Variants in NRG1 observed in about 807,000 individuals in gnomAD.
NRG1 encodes the protein pro-neuregulin-1, membrane-bound isoform.
NRG1 carries 18 observed loss-of-function variants against 63.8 expected under a neutral mutation model. That is an observed-to-expected ratio of 0.28 (90% CI 0.19 to 0.42). The LOEUF (loss-of-function observed/expected upper bound fraction) is 0.42, where lower values mean the gene tolerates loss of function less well. Ranked by LOEUF, NRG1 falls within the 10% of genes least tolerant of loss-of-function variation. The probability of loss-of-function intolerance (pLI) is 1.00; values close to 1 mark genes in which losing one functional copy is unlikely to be tolerated. For missense variants in NRG1, 762 were observed against 814.7 expected, an observed-to-expected ratio of 0.94 and a Z score of 0.79; for synonymous variants, 302 against 301.3, an observed-to-expected ratio of 1.00 and a Z score of -0.02.
intron 1 of NRG1, among the ~76,000 whole-genome samples, chr8:31,951,401 A>G (rs1324947026): frequency 6.6e-6 from 1 of 152,202 alleles, no homozygotes; most frequent in Non-Finnish European, 1.5e-5. Context: ...GGAACAACCT[A>G]CAAAGCATTT....
intron 1 of NRG1, among the ~76,000 whole-genome samples, chr8:31,945,978 C>T (rs1017464736): frequency 6.6e-6 from 1 of 152,186 alleles, no homozygotes; most frequent in Non-Finnish European, 1.5e-5. Context: ...CTTCTGCAGA[C>T]ATCTGTGGAA....
chr8:32,532,676 T>A (rs1414098151), intron 1 of NRG1, among the ~76,000 whole-genome samples: 1 of 152,064 alleles, frequency 6.6e-6, no homozygotes, highest in African/African-American at 2.4e-5. Flanking sequence ...ATCTTTCCTA[T>A]AATTCATAGT....
At chr8:32,097,332 C>CT (rs1408874894) in intron 1 of NRG1, among the ~76,000 whole-genome samples, 3 of 152,100 alleles carry the variant, frequency 2.0e-5, no homozygotes, top group African/African-American at 7.2e-5. Context: ...CTTTGATGTG[C>CT]TTTTTTCCTT....
At chr8:32,040,396 A>G (rs1819750277) in intron 1 of NRG1, among the ~76,000 whole-genome samples, 2 of 152,234 alleles carry the variant, frequency 1.3e-5, no homozygotes, top group Admixed American at 1.3e-4. Context: ...TAAAAAGTCA[A>G]ATGTTGCCAA....
intron 7 of NRG1, among the ~76,000 whole-genome samples, chr8:32,743,679 A>C (rs987268134): frequency 6.6e-6 from 1 of 150,624 alleles, no homozygotes; most frequent in Non-Finnish European, 1.5e-5. Context: ...TTCCTAAAAG[A>C]CCCAATTCAC....
chr8:32,418,836 T>C (rs563780831), intron 1 of NRG1, among the ~76,000 whole-genome samples: 23 of 152,320 alleles, frequency 1.5e-4, no homozygotes, highest in Non-Finnish European at 2.8e-4. Flanking sequence ...ATATTTGAAA[T>C]AAGATGTTTT....
At chr8:32,208,621 A>G (rs1466325334) in intron 1 of NRG1, among the ~76,000 whole-genome samples, 1 of 152,208 alleles carries the variant, frequency 6.6e-6, no homozygotes, top group East Asian at 1.9e-4. Flanking sequence ...TTAAATATAT[A>G]TAGCCTAAGA....
intron 1 of NRG1, among the ~76,000 whole-genome samples, chr8:32,225,065 A>G (rs75918369): frequency 0.046 from 6,946 of 152,264 alleles, 235 homozygotes; most frequent in South Asian, 0.094. Context: ...GATTTTTCCA[A>G]CCTTAAAGAG....
intron 1 of NRG1, among the ~76,000 whole-genome samples, chr8:32,454,236 G>T (rs1243764524): frequency 6.6e-6 from 1 of 152,072 alleles, no homozygotes; most frequent in Non-Finnish European, 1.5e-5. Flanking sequence ...TCTCTTTTAT[G>T]TGACGGGTAG....
At chr8:31,797,491 A>G (rs1379472586) in intron 1 of NRG1, among the ~76,000 whole-genome samples, 9 of 152,212 alleles carry the variant, frequency 5.9e-5, no homozygotes, top group African/African-American at 1.9e-4. Context: ...AAGAAAAGTG[A>G]GCTCTTATAG....
At chr8:32,085,051 G>C (rs1038155605) in intron 1 of NRG1, among the ~76,000 whole-genome samples, 3 of 152,116 alleles carry the variant, frequency 2.0e-5, no homozygotes, top group African/African-American at 7.2e-5. Context: ...GTAACTGCTG[G>C]GCTGCTCTGG....
intron 1 of NRG1, among the ~76,000 whole-genome samples, chr8:32,000,458 G>A (rs967158754): frequency 7.3e-5 from 11 of 151,524 alleles, no homozygotes; most frequent in African/African-American, 2.4e-4. Flanking sequence ...TTAAAGATGG[G>A]ACCTCACTCT....
intron 1 of NRG1, chr8:31,639,503 C>G (rs1187379773): frequency 6.6e-7 from 1 of 1,523,232 alleles, no homozygotes; most frequent in African/African-American, 1.4e-5. Flanking sequence ...CACGCAACTC[C>G]GCCTCCAGGG....
intron 1 of NRG1, among the ~76,000 whole-genome samples, chr8:32,248,339 C>G (rs1439651435): frequency 1.3e-5 from 2 of 151,998 alleles, no homozygotes; most frequent in Non-Finnish European, 2.9e-5. Context: ...CTCATGAATA[C>G]ACATCTCACA....
intron 1 of NRG1, among the ~76,000 whole-genome samples, chr8:32,411,175 GC>G (rs1264986963): frequency 2.0e-5 from 3 of 152,066 alleles, no homozygotes; most frequent in African/African-American, 7.2e-5. Context: ...CGCCCAGCCA[GC>G]CCACACTTTT....
chr8:32,048,117 A>G (rs117867413), intron 1 of NRG1, among the ~76,000 whole-genome samples: 3,165 of 151,972 alleles, frequency 0.021, 40 homozygotes, highest in South Asian at 0.038. Context: ...TTTATTTTGT[A>G]TATGTAACAC....
chr8:31,912,572 T>C (rs1251375874), intron 1 of NRG1, among the ~76,000 whole-genome samples: 5 of 148,852 alleles, frequency 3.4e-5, no homozygotes, highest in African/African-American at 1.2e-4. Context: ...AATGCTTTTT[T>C]TTTTTTTTTT....
At chr8:32,753,563 T>G (rs1377216538) in intron 7 of NRG1, among the ~76,000 whole-genome samples, 2 of 152,152 alleles carry the variant, frequency 1.3e-5, no homozygotes, top group Non-Finnish European at 2.9e-5. Flanking sequence ...TTTGGACAAA[T>G]AAAACTTGTT....
intron 1 of NRG1, among the ~76,000 whole-genome samples, chr8:32,507,861 C>A (rs1374717359): frequency 6.6e-6 from 1 of 152,024 alleles, no homozygotes; most frequent in Non-Finnish European, 1.5e-5. Flanking sequence ...ACATGCCTGG[C>A]TAATTTTTGT....
Sources: allele counts gnomAD v4.1 joint callset (sites outside exome capture counted in the v4.1 genomes callset), GRCh38; gene constraint gnomAD v4.1.1; transcripts MANE v1.5; gene names NCBI Gene and HGNC (gene_info 2026-07-23, HGNC 2026-07-21).